Variants in MYRF observed in about 807,000 individuals in gnomAD.
MYRF encodes myelin regulatory factor, also known as myelin gene regulatory factor.
MYRF carries 16 observed loss-of-function variants against 126.3 expected under a neutral mutation model. The observed-to-expected ratio is 0.13, with a 90% CI of 0.09 to 0.19. The LOEUF is 0.19. MYRF is among the 10% of genes least tolerant of loss of function. The pLI, the probability that MYRF is intolerant of heterozygous loss-of-function variation, is 1.00. For synonymous variants in MYRF, 608 were observed against 635.3 expected, an observed-to-expected ratio of 0.96 and a Z score of 0.65; for missense variants, 1,104 against 1,547.0, an observed-to-expected ratio of 0.71 and a Z score of 4.80.
chr11:61,767,096 A>G (rs1206445010), intron 3 of MYRF: 2 of 456,504 alleles, frequency 4.4e-6, no homozygotes, highest in African/African-American at 2.0e-5. Flanking sequence ...CCCTGGGTGC[A>G]TGGTGGCCAT....
At position 61,783,534 on chromosome 11, in the gene MYRF, C is replaced by T; in HGVS notation, c.3053C>T (p.Ser1018Phe). 6.8e-6 allele frequency: 11 copies of T among 1,613,880 alleles called. No individual in the cohort carries two copies. The highest frequency in any genetic ancestry group is 9.3e-6 in the Non-Finnish European group (11 of 1,179,998). ...LLAEPVPSLT[S>F]IQVLENSMSI... ...GCAGAGCCAGTGCCCTCCCTGACCT[C>T]CATCCAGGTGCTGGAGAATTCGATG... Residue 1018 changes from serine (S) to phenylalanine (F), a missense_variant, in exon 23 of 27, where the codon TCC (serine) becomes TTC (phenylalanine). Coordinates refer to ENST00000278836, the MANE Select transcript of MYRF (RefSeq NM_001127392.3). The surrounding 1 kb of genome is among the most constrained non-coding windows in gnomAD (Gnocchi z 4.6).
Position 61,770,486 on chromosome 11 carries a change from C to T in MYRF, c.701C>T (p.Ser234Phe), listed in dbSNP as rs139124174. The change falls in exon 5 of 27, where the codon TCC becomes TTC. Residue 234 changes from serine to phenylalanine, a missense_variant. Physicochemically the swap from Ser to Phe is radical, Grantham distance 155. Around this residue, in one of 10 missense-constraint regions of MYRF, gnomAD observed 368 missense variants for 403.9 expected, o/e 0.91. Coordinates refer to ENST00000278836, the MANE Select transcript of MYRF (RefSeq NM_001127392.3). The stretch of plus-strand genomic sequence containing the variant: ...ACTGATCTTCACCACACCCAGCAGT[C>T]CCAGATGCTGCACCAGCTCCTGCAG... ...VPTDLHHTQQ[S>F]QMLHQLLQQH... is the part of the protein sequence containing the mutation. 1,563 of 1,565,352 alleles carry T rather than the reference C, an allele frequency of 1.0e-3. 12 individuals are homozygous for T. Among genetic ancestry groups the T allele is most frequent in the South Asian group, 4.7e-3 (399 of 85,076 alleles).
chr11:61,756,105 T>C (rs1238603679), intron 1 of MYRF, among the ~76,000 whole-genome samples: 1 of 152,154 alleles, frequency 6.6e-6, no homozygotes, highest in African/African-American at 2.4e-5. Flanking sequence ...ATAGGACAGA[T>C]ACAGTGGATA....
intron 1 of MYRF, among the ~76,000 whole-genome samples, chr11:61,759,086 C>T (rs901410057): frequency 8.5e-5 from 13 of 152,166 alleles, no homozygotes; most frequent in Non-Finnish European, 1.3e-4. Context: ...GGGGCCACGC[C>T]GGTGTGTAGG....
In MYRF at chr11:61,757,234, G is replaced by A. The variant is rs1047051872; in HGVS notation, c.46+4444G>A. 6 of 456,684 alleles carry A rather than the reference G, an allele frequency of 1.3e-5. No individual in the cohort carries two copies. The highest frequency in any genetic ancestry group is 8.0e-5 in the African/African-American group (4 of 50,022). The allele number at this position is 456,684 out of a possible 1,614,324, so 28.3% of individuals were successfully genotyped here. Reference sequence around the variant, plus strand: ...TGTGGGTACCTCTTGGTTGGGTCTCGGGGTAGGATGATGTAATGGTTCTGT... The same window carrying A: ...TGTGGGTACCTCTTGGTTGGGTCTCAGGGTAGGATGATGTAATGGTTCTGT... On this transcript the variant is annotated intron_variant, in intron 1 of 26. Coordinates refer to ENST00000278836, the MANE Select transcript of MYRF (RefSeq NM_001127392.3). The surrounding 1 kb of genome is among the most constrained non-coding windows in gnomAD (Gnocchi z 4.7).
chr11:61,781,374 G>A (rs758338022), intron 21 of MYRF, 45 bp downstream of exon 21: 62 of 1,603,156 alleles, frequency 3.9e-5, no homozygotes, highest in South Asian at 2.9e-4. Flanking sequence ...GGCTACCTGC[G>A]TAGAGAGAAA....
intron 21 of MYRF, 121 bp downstream of exon 21, chr11:61,781,450 G>A: frequency 6.5e-7 from 1 of 1,539,830 alleles, no homozygotes; most frequent in Admixed American, 1.9e-5. Flanking sequence ...CAATGACTGG[G>A]AAGTTCCCCT....
rs2066702481 is a variant in MYRF, at chr11:61,786,681, A to C, written c.*538A>C. The C allele has an allele frequency of 6.5e-6, 1 of 154,652 alleles. No homozygotes were observed. Among genetic ancestry groups the C allele is most frequent in the Non-Finnish European group, 1.4e-5 (1 of 69,310 alleles). 9.6% of individuals were successfully genotyped at this position (154,652 alleles called of 1,614,324 possible). A position where few individuals can be genotyped will look rare whatever the true frequency, so the allele number is the denominator to read the frequency against. Reference sequence around the variant, plus strand: ...TCCCTGGGGGATGGCTTGGTAGTGGACTTTCTGGGGTTTGCCTGTTACGCC... The same window carrying C: ...TCCCTGGGGGATGGCTTGGTAGTGGCCTTTCTGGGGTTTGCCTGTTACGCC... On this transcript the variant is annotated 3_prime_UTR_variant, in exon 27 of 27. Coordinates refer to ENST00000278836, the MANE Select transcript of MYRF (RefSeq NM_001127392.3). The surrounding 1 kb of genome is among the most constrained non-coding windows in gnomAD (Gnocchi z 4.5).
chr11:61,784,059 T>TC, intron 24 of MYRF, 134 bp downstream of exon 24: 7 of 1,152,820 alleles, frequency 6.1e-6, no homozygotes, highest in Non-Finnish European at 8.7e-6. Context: ...AAGTGCTGAC[T>TC]TCATTGCCTA....
At chr11:61,784,552 G>C in intron 25 of MYRF, 167 bp downstream of exon 25, 1 of 609,354 alleles carries the variant, frequency 1.6e-6, no homozygotes, top group Non-Finnish European at 2.9e-6. Flanking sequence ...GGAGGGGCAC[G>C]CGTGCCCGTG....
intron 1 of MYRF, among the ~76,000 whole-genome samples, chr11:61,764,650 G>A (rs1032682060): frequency 1.3e-5 from 2 of 152,162 alleles, no homozygotes; most frequent in African/African-American, 4.8e-5. Flanking sequence ...CGGGGTTGAC[G>A]CATCTCCCAC....
Position 61,778,403 on chromosome 11 carries a change from G to C in MYRF, c.1927G>C (p.Glu643Gln), listed in dbSNP as rs753248627. The C allele has an allele frequency of 1.2e-5, 20 of 1,613,944 alleles. No homozygotes were observed. In the South Asian group the frequency reaches 2.1e-4, roughly 17 times the overall value. ...AGGTGTCATCGCTCAGGAGGTGAAG[G>C]AGATCTTGCCTGAGGCTGTGAAAGA... is the stretch of plus-strand genomic sequence containing the variant. ...ETGVIAQEVK[E>Q]ILPEAVKDTG... The change falls in exon 14 of 27, where the codon GAG (glutamate) becomes CAG (glutamine). Residue 643 changes from glutamate to glutamine, a missense_variant. Physicochemically the swap from Glu to Gln is conservative, Grantham distance 29 (BLOSUM62 2). Transcript: ENST00000278836. This position sits in a 1 kb window ranked among gnomAD's most constrained non-coding sequence, Gnocchi z 4.6.
rs1054929738 is a variant in MYRF at position 61,783,746 on chromosome 11, T to A, written c.3120-105T>A. ...CTTTCCAGGCTACCCTTGGACACTG[T>A]CTCTTCTGGAGGGCTCCAGTACAGA... On this transcript the variant is annotated intron_variant, in intron 23 of 26. Coordinates refer to ENST00000278836, the MANE Select transcript of MYRF (RefSeq NM_001127392.3). The surrounding 1 kb of genome is among the most constrained non-coding windows in gnomAD (Gnocchi z 4.6). 1.5e-6 allele frequency: 2 copies of A among 1,378,390 alleles called. No homozygotes were observed. The highest frequency in any genetic ancestry group is 2.4e-5 in the East Asian group (1 of 41,270). 85.4% of individuals were successfully genotyped at this position (1,378,390 alleles called of 1,614,324 possible).
rs1339122908 is a variant in MYRF, at chr11:61,784,343, G to A, written c.3258G>A (p.Glu1086=). The A allele has an allele frequency of 6.2e-7, 1 of 1,613,928 alleles. No homozygotes were observed. The highest frequency in any genetic ancestry group is 1.3e-5 in the African/African-American group (1 of 74,932). Residue 1086 remains glutamate (E), a synonymous_variant, in exon 25 of 27, where the codon GAG becomes GAA. Coordinates refer to ENST00000278836, the MANE Select transcript of MYRF (RefSeq NM_001127392.3). ...GGTCAAAGGAGGAACCATGTGAGGA[G>A]GGGAGCCTTCCACAGAGTCTCCACA... ...SLRSKEEPCE[E]GSLPQSLHTH...
chr11:61,780,944 C>A lies in MYRF; in HGVS notation c.2487-16C>A. 1.2e-6 allele frequency: 2 copies of A among 1,608,936 alleles called. No homozygotes were observed. The highest frequency in any genetic ancestry group is 1.7e-6 in the Non-Finnish European group (2 of 1,179,854). On this transcript the variant is annotated splice_polypyrimidine_tract_variant and intron_variant, in intron 19 of 26. Transcript: ENST00000278836. Reference sequence around the variant, plus strand: ...TCTCCCAGCCCCTCTGAGCTCAGCCCATCCTTCCCCAGCAGGTCCAGCCAG... The same window carrying A: ...TCTCCCAGCCCCTCTGAGCTCAGCCAATCCTTCCCCAGCAGGTCCAGCCAG...
Position 61,783,931 on chromosome 11 carries a change from T to A in MYRF, c.3194+6T>A. ...AGCCTGACTCTGCAGATGAAGTGAG[T>A]GCCGGTGTGGGGAAGTGGGAGGCAG... is the stretch of plus-strand genomic sequence containing the variant. On this transcript the variant is annotated splice_donor_region_variant and intron_variant, in intron 24 of 26. Coordinates refer to ENST00000278836, the MANE Select transcript of MYRF (RefSeq NM_001127392.3). The surrounding 1 kb of genome is among the most constrained non-coding windows in gnomAD (Gnocchi z 4.6). 2 of 1,597,116 alleles carry A rather than the reference T, an allele frequency of 1.3e-6. No individual in the cohort carries two copies. The highest frequency in any genetic ancestry group is 1.7e-6 in the Non-Finnish European group (2 of 1,170,754).
chr11:61,774,491 C>T (rs1319471025), intron 8 of MYRF, among the ~76,000 whole-genome samples: 1 of 151,150 alleles, frequency 6.6e-6, no homozygotes, highest in Admixed American at 6.6e-5. Flanking sequence ...CCACTGCACT[C>T]CAGCCTGGCA....
Position 61,786,206 on chromosome 11 carries a change from G to C in MYRF, c.*63G>C. On this transcript the variant is annotated 3_prime_UTR_variant, in exon 27 of 27. Coordinates refer to ENST00000278836, the MANE Select transcript of MYRF (RefSeq NM_001127392.3). This position sits in a 1 kb window ranked among gnomAD's most constrained non-coding sequence, Gnocchi z 4.5. ...GGTGCCCAGGCACCCCCCAACACTG[G>C]ATGCAATGGTGTTACACTGGAGCCC... 6.7e-7 allele frequency: 1 copy of C among 1,490,162 alleles called. No individual in the cohort carries two copies. Among genetic ancestry groups the C allele is most frequent in the Non-Finnish European group, 9.4e-7 (1 of 1,069,126 alleles). The allele number at this position is 1,490,162 out of a possible 1,614,324, so 92.3% of individuals were successfully genotyped here.
In MYRF at chr11:61,784,099, C is replaced by A. The variant is rs909685588; in HGVS notation, c.3194+174C>A. 7 of 976,344 alleles carry A rather than the reference C, an allele frequency of 7.2e-6. No homozygotes were observed. The African/African-American group carries it at 8.0e-5, about 11-fold the overall frequency. The allele number at this position is 976,344 out of a possible 1,614,324, so 60.5% of individuals were successfully genotyped here. On this transcript the variant is annotated intron_variant, in intron 24 of 26. Transcript: ENST00000278836. The stretch of plus-strand genomic sequence containing the variant: ...GTGGTTAACTGGCTAAATGACCTGG[C>A]CTCATGGGCTGAGGACCACATGGGA...
Sources: allele counts gnomAD v4.1 joint callset (sites outside exome capture counted in the v4.1 genomes callset), GRCh38; gene constraint gnomAD v4.1.1; regional missense constraint gnomAD v4.1.1; non-coding constraint Gnocchi (gnomAD v3.1); transcripts MANE v1.5; gene names NCBI Gene and HGNC (gene_info 2026-07-23, HGNC 2026-07-21).